The following RFX7 variants were observed in gnomAD, a reference collection of about 807,000 sequenced individuals.
RFX7 encodes the protein DNA-binding protein RFX7.
Under a neutral mutation model 111.8 loss-of-function variants are expected in RFX7, and 26 were observed. That is an observed-to-expected ratio of 0.23 (90% CI 0.17 to 0.32). RFX7 has a LOEUF of 0.32. Ranked by LOEUF, RFX7 falls within the 10% of genes least tolerant of loss-of-function variation. RFX7 has a pLI of 1.00. For synonymous variants in RFX7, 624 were observed against 624.4 expected (o/e 1.00, Z 0.01); for missense variants, 1,573 against 1,772.9 (o/e 0.89, Z 2.02).
At chr15:56,226,588 A>G (rs934945118) in intron 2 of RFX7, among the ~76,000 whole-genome samples, 2 of 152,194 alleles carry the variant, frequency 1.3e-5, no homozygotes, top group Non-Finnish European at 2.9e-5. Flanking sequence ...AGGAAAAAGA[A>G]CAAAGTGATA....
At chr15:56,207,268 A>G (rs2043263517) in intron 2 of RFX7, among the ~76,000 whole-genome samples, 1 of 152,118 alleles carries the variant, frequency 6.6e-6, no homozygotes, top group Non-Finnish European at 1.5e-5. Context: ...ATCAGAGACT[A>G]GAAGGAGGAG....
At position 56,147,875 on chromosome 15, in the gene RFX7, A is replaced by T. The variant is rs12148090; in HGVS notation, c.196-3392T>A. On this transcript the variant is annotated intron_variant, in intron 3 of 9. Coordinates refer to ENST00000559447, the MANE Select transcript of RFX7 (RefSeq NM_022841.7). ...GGCGTGAGCCACCATGCCCAGCCTA[A>T]AAACTCTAATTTTTAACAGAGATTT... 9.2e-3 allele frequency among the ~76,000 whole-genome samples: 1,399 copies of T among 152,252 alleles called. 8 individuals carry two copies. The highest frequency in any genetic ancestry group is 0.017 in the Middle Eastern group (5 of 294).
chr15:56,226,186 T>C (rs2043481695), intron 2 of RFX7, among the ~76,000 whole-genome samples: 1 of 152,170 alleles, frequency 6.6e-6, no homozygotes, highest in South Asian at 2.1e-4. Context: ...TATTGGCTAT[T>C]ATCTTGTGTC....
chr15:56,189,050 C>G (rs2043073573), intron 2 of RFX7, among the ~76,000 whole-genome samples: 1 of 152,156 alleles, frequency 6.6e-6, no homozygotes, highest in African/African-American at 2.4e-5. Context: ...AACTCCTGAC[C>G]TCAGGTGATC....
intron 2 of RFX7, among the ~76,000 whole-genome samples, chr15:56,232,170 C>T (rs2043566699): frequency 6.6e-6 from 1 of 152,186 alleles, no homozygotes; most frequent in South Asian, 2.1e-4. Context: ...CACAGCTCTG[C>T]TAGGCAGTGC....
At position 56,237,523 on chromosome 15, in the gene RFX7, A is replaced by G. The variant is rs60476946; in HGVS notation, c.161+5602T>C. ...CTAATGGAAAAAGTAATGCAACATAATTCTTAATCCAATGCATCTTTCATA... is the reference window on the plus strand; with the variant it reads ...CTAATGGAAAAAGTAATGCAACATAGTTCTTAATCCAATGCATCTTTCATA... On this transcript the variant is annotated intron_variant, in intron 2 of 9. Transcript: ENST00000559447. Among the ~76,000 whole-genome samples the G allele has an allele frequency of 4.6e-3, 699 of 152,314 alleles. 12 individuals carry two copies. The highest frequency in any genetic ancestry group is 0.016 in the African/African-American group (682 of 41,574).
At chr15:56,125,250 T>C (rs1198064283) in intron 5 of RFX7, among the ~76,000 whole-genome samples, 2 of 152,250 alleles carry the variant, frequency 1.3e-5, no homozygotes, top group African/African-American at 4.8e-5. Context: ...TTTTGGTTAC[T>C]ACAGCTTTGC....
At chr15:56,213,161 C>G (rs753033326) in intron 2 of RFX7, among the ~76,000 whole-genome samples, 1 of 152,140 alleles carries the variant, frequency 6.6e-6, no homozygotes, top group South Asian at 2.1e-4. Flanking sequence ...CAATTGTACT[C>G]CTTGGTACAG....
intron 2 of RFX7, among the ~76,000 whole-genome samples, chr15:56,214,020 T>C (rs2043338260): frequency 6.6e-6 from 1 of 152,210 alleles, no homozygotes; most frequent in South Asian, 2.1e-4. Flanking sequence ...ATTGCTGCCA[T>C]TATCTGAAAG....
At chr15:56,160,745 G>C (rs950932451) in intron 3 of RFX7, 1 of 152,022 alleles carries the variant, frequency 6.6e-6, no homozygotes, top group African/African-American at 2.4e-5. Context: ...GGCCCCAGCA[G>C]TTCTTCCACA....
At chr15:56,195,461 C>T (rs2043138780) in intron 2 of RFX7, among the ~76,000 whole-genome samples, 1 of 152,078 alleles carries the variant, frequency 6.6e-6, no homozygotes, top group Non-Finnish European at 1.5e-5. Flanking sequence ...CCTTTAGATA[C>T]TACTAGTGCC....
In RFX7 at chr15:56,095,589, C is replaced by G. The variant is rs770931514; in HGVS notation, c.2139G>C (p.Gln713His). ...CATTTACTGATACCTTGCTAGGAAT[C>G]TGAGCACCTGCTGTTGAACCTTCTG... is the stretch of plus-strand genomic sequence containing the variant. ...GKTEGSTAGA[Q>H]IPSKVSVNVS... Residue 713 changes from glutamine to histidine, a missense_variant, in exon 10 of 10, where the codon CAG becomes CAC. Around this residue, in one of 7 missense-constraint regions of RFX7, gnomAD observed 625 missense variants for 632.2 expected, o/e 0.99. Coordinates refer to ENST00000559447, the MANE Select transcript of RFX7 (RefSeq NM_022841.7). 21 of 1,613,854 alleles carry G rather than the reference C, an allele frequency of 1.3e-5. 1 individual carries two copies. In the Admixed American group the frequency reaches 3.2e-4, roughly 24 times the overall value.
chr15:56,097,006 G>T (rs1287315976), intron 9 of RFX7, among the ~76,000 whole-genome samples: 1 of 152,030 alleles, frequency 6.6e-6, no homozygotes, highest in African/African-American at 2.4e-5. Flanking sequence ...CACTCATAGG[G>T]GAAACTGTCT....
intron 5 of RFX7, among the ~76,000 whole-genome samples, chr15:56,115,705 G>C (rs1000137299): frequency 2.6e-5 from 4 of 152,114 alleles, no homozygotes; most frequent in African/African-American, 9.7e-5. Flanking sequence ...TTGGGAGGCT[G>C]AGGTGGGCAG....
intron 5 of RFX7, among the ~76,000 whole-genome samples, chr15:56,141,657 A>C (rs11638850): frequency 0.64 from 45,854 of 72,050 alleles, 12,615 homozygotes; most frequent in East Asian, 0.77. Context: ...CTTACTCTAA[A>C]TATATATATA....
intron 2 of RFX7, among the ~76,000 whole-genome samples, chr15:56,203,246 A>G (rs2043212731): frequency 6.6e-6 from 1 of 152,222 alleles, no homozygotes; most frequent in African/African-American, 2.4e-5. Context: ...GTTAGTACAG[A>G]TTAGTGACAT....
intron 3 of RFX7, among the ~76,000 whole-genome samples, chr15:56,163,497 C>T (rs2042748859): frequency 6.6e-6 from 1 of 152,086 alleles, no homozygotes; most frequent in African/African-American, 2.4e-5. Context: ...GCATCAAGTG[C>T]CTACTATGCT....
chr15:56,097,760 A>AAAAAAAAAAAAAAAAAAAAAAC, intron 9 of RFX7, among the ~76,000 whole-genome samples: 1 of 150,332 alleles, frequency 6.7e-6, no homozygotes, highest in South Asian at 2.1e-4. Context: ...AAAAAAAAAA[A>AAAAAAAAAAAAAAAAAAAAAAC]AAAAAAAAAA....
Position 56,093,707 on chromosome 15 carries a change from C to T in RFX7, c.4021G>A (p.Glu1341Lys). 6.2e-7 allele frequency: 1 copy of T among 1,613,744 alleles called. No individual in the cohort carries two copies. Among genetic ancestry groups the T allele is most frequent in the Non-Finnish European group, 8.5e-7 (1 of 1,179,702 alleles). ...GDNQAQSEIG[E>K]QQLDFNSTVK... is the part of the protein sequence containing the mutation. ...GTGCTATTGAAATCTAATTGTTGCT[C>T]TCCAATTTCTGATTGTGCTTGATTA... Residue 1341 changes from glutamate (E) to lysine (K), a missense_variant, in exon 10 of 10, where the codon GAG becomes AAG. Coordinates refer to ENST00000559447, the MANE Select transcript of RFX7 (RefSeq NM_022841.7).
Sources: gnomAD v4.1 joint callset for allele counts (sites outside exome capture counted in the v4.1 genomes callset) on GRCh38, gnomAD v4.1.1 for gene constraint, gnomAD v4.1.1 regional missense constraint, MANE v1.5 for transcripts, NCBI Gene and HGNC (gene_info 2026-07-23, HGNC 2026-07-21) for gene names.